MAST2: variants seen among roughly 807,000 people sequenced by gnomAD.
The protein encoded by MAST2 is microtubule-associated serine/threonine-protein kinase 2.
In MAST2, 70 loss-of-function variants were observed where a neutral mutation model predicts 147.4. The ratio of observed to expected loss-of-function variants is 0.47; its 90% CI spans 0.39 to 0.58. The LOEUF (loss-of-function observed/expected upper bound fraction) is 0.58, where lower values mean the gene tolerates loss of function less well. MAST2 is among the 20% of genes least tolerant of loss of function. The probability of loss-of-function intolerance (pLI) is 0.00; values close to 1 mark genes in which losing one functional copy is unlikely to be tolerated. For synonymous variants in MAST2, 869 were observed against 896.8 expected (o/e 0.97, Z 0.55); for missense variants, 2,080 against 2,302.3 (o/e 0.90, Z 1.98).
At chr1:45,875,860 C>T (rs1646583778) in intron 3 of MAST2, among the ~76,000 whole-genome samples, 1 of 151,574 alleles carries the variant, frequency 6.6e-6, no homozygotes, top group African/African-American at 2.4e-5. Context: ...CTATAGAGGT[C>T]AGCAAAAAGA....
chr1:46,033,971 G>A, intron 27 of MAST2, 33 bp downstream of exon 27: 1 of 1,612,508 alleles, frequency 6.2e-7, no homozygotes, highest in Non-Finnish European at 8.5e-7. Context: ...GGTTTTCTCT[G>A]AGCCACATGA....
At chr1:45,806,680 C>T (rs930663064) in intron 1 of MAST2, among the ~76,000 whole-genome samples, 1 of 152,094 alleles carries the variant, frequency 6.6e-6, no homozygotes, top group Admixed American at 6.5e-5. Context: ...CGGATTCAAG[C>T]GATTCTCTTG....
intron 12 of MAST2, 135 bp from the exon 13 acceptor site, chr1:46,022,775 G>A (rs1646241465): frequency 4.2e-6 from 3 of 706,300 alleles, no homozygotes; most frequent in Non-Finnish European, 7.7e-6. Context: ...TAGTGCCATG[G>A]GACTGAATTC....
chr1:45,951,421 A>C (rs763153283), intron 4 of MAST2, among the ~76,000 whole-genome samples: 1 of 152,062 alleles, frequency 6.6e-6, no homozygotes, highest in Admixed American at 6.5e-5. Context: ...TGTCTCTACA[A>C]AAAATACAAA....
chr1:46,024,203 A>C (rs368373748), intron 15 of MAST2: 23 of 538,180 alleles, frequency 4.3e-5, no homozygotes, highest in South Asian at 1.4e-4. Context: ...AGGATGTAGC[A>C]GGCCAGCAGC....
intron 7 of MAST2, among the ~76,000 whole-genome samples, chr1:46,004,361 C>CAAAAAAAAAAAAAAA (rs60013733): frequency 8.8e-6 from 1 of 113,330 alleles, no homozygotes; most frequent in Non-Finnish European, 1.8e-5. Context: ...AAGACTATCT[C>CAAAAAAAAAAAAAAA]AAAAAAAAAA....
chr1:45,901,937 G>C (rs1037831950), intron 4 of MAST2, among the ~76,000 whole-genome samples: 2 of 152,116 alleles, frequency 1.3e-5, no homozygotes, highest in African/African-American at 4.8e-5. Context: ...GATATAATTT[G>C]ACTAACTCTG....
chr1:46,012,769 A>G (rs750183371), intron 10 of MAST2, among the ~76,000 whole-genome samples: 5 of 152,006 alleles, frequency 3.3e-5, no homozygotes, highest in Non-Finnish European at 7.4e-5. Context: ...CCAGGATGGA[A>G]GGATCACTTG....
intron 9 of MAST2, among the ~76,000 whole-genome samples, chr1:46,010,022 G>A (rs959875257): frequency 6.6e-6 from 1 of 152,302 alleles, no homozygotes; most frequent in East Asian, 1.9e-4. Flanking sequence ...CTCTGCTGGG[G>A]ATCCAGGCCA....
chr1:45,922,848 T>C (rs1421131221), intron 4 of MAST2, among the ~76,000 whole-genome samples: 2 of 152,136 alleles, frequency 1.3e-5, no homozygotes, highest in Non-Finnish European at 2.9e-5. Flanking sequence ...GGGCAAGGGC[T>C]CCAGGTCTGA....
intron 4 of MAST2, among the ~76,000 whole-genome samples, chr1:45,931,378 T>TTTTTG: frequency 7.3e-5 from 1 of 13,682 alleles, no homozygotes; most frequent in Non-Finnish European, 1.8e-4. Context: ...TTGTGTTCTG[T>TTTTTG]TTTTTTTTTT....
At chr1:45,916,678 A>G (rs1240215625) in intron 4 of MAST2, among the ~76,000 whole-genome samples, 2 of 152,240 alleles carry the variant, frequency 1.3e-5, no homozygotes, top group African/African-American at 2.4e-5. Flanking sequence ...TCTTAGGGAC[A>G]TATACATTTC....
rs577507300 is a variant in MAST2 at position 45,933,918 on chromosome 1, T to C, written c.501-25468T>C. 1.2e-3 allele frequency among the ~76,000 whole-genome samples: 183 copies of C among 151,482 alleles called. 1 individual carries two copies. Among genetic ancestry groups the C allele is most frequent in the South Asian group, 3.2e-3 (15 of 4,708 alleles). On this transcript the variant is annotated intron_variant, in intron 4 of 28. Coordinates refer to ENST00000361297, the MANE Select transcript of MAST2 (RefSeq NM_015112.3). ...GAAAAATTTTAAGTTTTTTTTTTTT[T>C]CCCCAACTTTAGCTTTAGGGTCAGG...
intron 3 of MAST2, among the ~76,000 whole-genome samples, chr1:45,866,559 A>ATT (rs1557847003): frequency 6.6e-6 from 1 of 152,102 alleles, no homozygotes; most frequent in Non-Finnish European, 1.5e-5. Flanking sequence ...TTTGTGTTAA[A>ATT]TCATTCATTT....
At chr1:45,990,508 T>C (rs375397424) in intron 5 of MAST2, among the ~76,000 whole-genome samples, 19 of 152,246 alleles carry the variant, frequency 1.2e-4, no homozygotes, top group African/African-American at 4.3e-4. Context: ...TCTTGTTTGT[T>C]TTTGAGACAA....
intron 1 of MAST2, 87 bp from the exon 2 acceptor site, chr1:45,824,346 T>C (rs761448992): frequency 2.1e-6 from 2 of 970,152 alleles, no homozygotes; most frequent in Admixed American, 3.0e-5. Flanking sequence ...TAAATTGTAG[T>C]GAATGCTGTA....
intron 3 of MAST2, among the ~76,000 whole-genome samples, chr1:45,844,154 C>T (rs544813584): frequency 9.9e-5 from 15 of 152,240 alleles, no homozygotes; most frequent in African/African-American, 3.6e-4. Flanking sequence ...GGCTGGAGTG[C>T]AGTGGTGCAA....
intron 25 of MAST2, 35 bp from the exon 26 acceptor site, chr1:46,032,561 G>A: frequency 6.2e-7 from 1 of 1,609,886 alleles, no homozygotes; most frequent in Non-Finnish European, 8.5e-7. Flanking sequence ...TCGTGTTCAG[G>A]CTCCAGTCTG....
At chr1:45,933,522 C>A (rs1368720694) in intron 4 of MAST2, among the ~76,000 whole-genome samples, 1 of 149,796 alleles carries the variant, frequency 6.7e-6, no homozygotes, top group East Asian at 2.0e-4. Context: ...GGTAGGTCAT[C>A]TGAGGTCAGG....
Sources: gnomAD v4.1 joint callset for allele counts (sites outside exome capture counted in the v4.1 genomes callset) on GRCh38, gnomAD v4.1.1 for gene constraint, MANE v1.5 for transcripts, NCBI Gene and HGNC (gene_info 2026-07-23, HGNC 2026-07-21) for gene names.